The following AGMO variants were observed in gnomAD, a reference collection of about 807,000 sequenced individuals.
AGMO encodes the protein glyceryl-ether monooxygenase.
A neutral mutation model predicts 60.2 loss-of-function variants in AGMO; 75 were observed. That is an observed-to-expected ratio of 1.25 (90% CI 1.03 to 1.51). The LOEUF is 1.51. Among genes scored for constraint, AGMO ranks in the 40% most tolerant of loss-of-function variants. The pLI, the probability that AGMO is intolerant of heterozygous loss-of-function variation, is 0.00. For missense variants in AGMO, 763 were observed against 525.5 expected, an observed-to-expected ratio of 1.45 and a Z score of -4.42; for synonymous variants, 261 against 177.1, an observed-to-expected ratio of 1.47 and a Z score of -3.76.
chr7:15,232,019 CAA>C (rs748105402), intron 12 of AGMO, among the ~76,000 whole-genome samples: 12 of 152,266 alleles, frequency 7.9e-5, no homozygotes, highest in East Asian at 5.8e-4. Context: ...TATTTCTCCC[CAA>C]AGTCATATTT....
At chr7:15,505,031 A>C (rs1351610466) in intron 3 of AGMO, among the ~76,000 whole-genome samples, 1 of 151,884 alleles carries the variant, frequency 6.6e-6, no homozygotes, top group Non-Finnish European at 1.5e-5. Flanking sequence ...TCAATTTTGT[A>C]ATGCCAATTT....
chr7:15,136,662 A>G, the AGMO span, among the ~76,000 whole-genome samples: 1 of 152,180 alleles, frequency 6.6e-6, no homozygotes, highest in South Asian at 2.1e-4. Context: ...CTTACAGTTC[A>G]TAAATTGTTT....
chr7:15,431,717 T>C (rs905366358), intron 3 of AGMO, among the ~76,000 whole-genome samples: 7 of 151,924 alleles, frequency 4.6e-5, no homozygotes, highest in Non-Finnish European at 1.0e-4. Context: ...TCCCATACCT[T>C]ACCAAAATAC....
At chr7:15,450,433 A>G (rs1781828749) in intron 3 of AGMO, among the ~76,000 whole-genome samples, 2 of 151,904 alleles carry the variant, frequency 1.3e-5, no homozygotes, top group Admixed American at 1.3e-4. Flanking sequence ...AAAAAAAAAA[A>G]GAAAAAAAAT....
chr7:15,474,442 G>T (rs111660924), intron 3 of AGMO, among the ~76,000 whole-genome samples: 3,630 of 151,874 alleles, frequency 0.024, 147 homozygotes, highest in African/African-American at 0.081. Context: ...CAAAAGCAAT[G>T]GGGAAAAGAT....
intron 12 of AGMO, among the ~76,000 whole-genome samples, chr7:15,240,223 GGAC>G (rs1160292165): frequency 2.0e-5 from 3 of 151,978 alleles, no homozygotes; most frequent in East Asian, 1.9e-4. Flanking sequence ...TAAAAATACA[GGAC>G]GACAAGTTAA....
the AGMO span, among the ~76,000 whole-genome samples, chr7:15,180,623 T>G: frequency 6.6e-6 from 1 of 152,166 alleles, no homozygotes; most frequent in African/African-American, 2.4e-5. Context: ...ATAATTTCAC[T>G]TAATGCTTCA....
chr7:15,347,348 T>G (rs1782071069), intron 12 of AGMO, among the ~76,000 whole-genome samples: 1 of 152,086 alleles, frequency 6.6e-6, no homozygotes, highest in South Asian at 2.1e-4. Context: ...GATAATTAGG[T>G]TTCTCCCACT....
At chr7:15,160,213 C>T in the AGMO span, among the ~76,000 whole-genome samples, 1 of 152,154 alleles carries the variant, frequency 6.6e-6, no homozygotes, top group African/African-American at 2.4e-5. Context: ...TTAACATTAA[C>T]ACCTGACCTT....
At chr7:15,488,604 C>T (rs546976148) in intron 3 of AGMO, among the ~76,000 whole-genome samples, 12 of 152,162 alleles carry the variant, frequency 7.9e-5, no homozygotes, top group African/African-American at 9.6e-5. Flanking sequence ...CTTAGAAAAT[C>T]GTTGAGAATC....
chr7:15,443,724 T>C (rs1219255940), intron 3 of AGMO, among the ~76,000 whole-genome samples: 1 of 152,172 alleles, frequency 6.6e-6, no homozygotes, highest in Non-Finnish European at 1.5e-5. Context: ...TCCAGAGAGC[T>C]AAGAATGATT....
intron 12 of AGMO, among the ~76,000 whole-genome samples, chr7:15,362,689 G>C (rs553977328): frequency 1.8e-4 from 27 of 152,304 alleles, no homozygotes; most frequent in Admixed American, 3.9e-4. Flanking sequence ...CACCCTGAAA[G>C]ATTTTTCCAT....
chr7:15,519,173 A>G (rs1203322567), intron 3 of AGMO, among the ~76,000 whole-genome samples: 6 of 152,074 alleles, frequency 3.9e-5, no homozygotes, highest in Admixed American at 1.3e-4. Context: ...CTATGTGAAG[A>G]GATCAAACCT....
intron 12 of AGMO, among the ~76,000 whole-genome samples, chr7:15,351,317 G>A (rs902203221): frequency 7.2e-5 from 11 of 152,212 alleles, no homozygotes; most frequent in African/African-American, 2.4e-4. Context: ...CATTATGTAA[G>A]TAGAAATTGC....
At chr7:15,322,828 A>G (rs577549844) in intron 12 of AGMO, among the ~76,000 whole-genome samples, 70 of 140,570 alleles carry the variant, frequency 5.0e-4, no homozygotes, top group African/African-American at 1.6e-3. Context: ...CATGTGACAC[A>G]TAGCACAAAA....
intron 12 of AGMO, among the ~76,000 whole-genome samples, chr7:15,322,653 T>TATAA (rs1781191115): frequency 1.6e-5 from 1 of 64,388 alleles, no homozygotes; most frequent in Non-Finnish European, 2.6e-5. Flanking sequence ...TATATAAATA[T>TATAA]ATATATAAAT....
At chr7:15,350,762 A>G (rs1782210000) in intron 12 of AGMO, among the ~76,000 whole-genome samples, 1 of 152,202 alleles carries the variant, frequency 6.6e-6, no homozygotes, top group Admixed American at 6.6e-5. Context: ...ATAGGGAAGT[A>G]AATTCCAGAA....
At chr7:15,547,340 C>A (rs146849589) in intron 2 of AGMO, among the ~76,000 whole-genome samples, 1,874 of 152,140 alleles carry the variant, frequency 0.012, 25 homozygotes, top group African/African-American at 0.043. Flanking sequence ...GGAACAGCTC[C>A]GGTCTACAGC....
chr7:15,120,831 T>G, the AGMO span, among the ~76,000 whole-genome samples: 1 of 152,206 alleles, frequency 6.6e-6, no homozygotes, highest in East Asian at 1.9e-4. Context: ...TTTATTTAGG[T>G]TTTGGGATAC....
Sources: gnomAD v4.1 joint callset for allele counts (sites outside exome capture counted in the v4.1 genomes callset) on GRCh38, gnomAD v4.1.1 for gene constraint, MANE v1.5 for transcripts, NCBI Gene and HGNC (gene_info 2026-07-23, HGNC 2026-07-21) for gene names.